DENND1B: variants seen among roughly 807,000 people sequenced by gnomAD.
DENND1B encodes DENN domain-containing protein 1B.
A neutral mutation model predicts 90.1 loss-of-function variants in DENND1B; 59 were observed. The ratio of observed to expected loss-of-function variants is 0.65; its 90% confidence interval spans 0.53 to 0.81. The LOEUF (loss-of-function observed/expected upper bound fraction) is 0.81. DENND1B is among the 40% of genes least tolerant of loss of function. DENND1B has a pLI of 0.00. For missense variants in DENND1B, 862 were observed against 912.6 expected (o/e 0.94, Z 0.71); for synonymous variants, 337 against 324.6 (o/e 1.04, Z -0.41).
chr1:197,776,636 G>T (rs989961825), upstream of DENND1B, among the ~76,000 whole-genome samples: 1 of 152,146 alleles, frequency 6.6e-6, no homozygotes, highest in Non-Finnish European at 1.5e-5. Context: ...AGACATAAAA[G>T]TCAGAAAAGG....
rs149817100 is a variant in DENND1B at position 197,771,164 on chromosome 1, G to A, written c.82+1704C>T. The stretch of plus-strand genomic sequence containing the variant: ...TGGCCTCAGATGATCTGTCCACCTC[G>A]GCCTCCAAAAGTGCTGGGATTATAG... On this transcript the variant is annotated intron_variant, in intron 2 of 22. Transcript: ENST00000620048. Among the ~76,000 whole-genome samples the A allele has an allele frequency of 3.8e-3, 572 of 151,986 alleles. 6 individuals are homozygous for A. Among genetic ancestry groups the A allele is most frequent in the African/African-American group, 0.013 (542 of 41,460 alleles).
intron 2 of DENND1B, among the ~76,000 whole-genome samples, chr1:197,744,478 G>A (rs1038493318): frequency 6.6e-6 from 1 of 152,154 alleles, no homozygotes; most frequent in Non-Finnish European, 1.5e-5. Context: ...CATTGTCAAT[G>A]AGCAACAATA....
At chr1:197,615,634 T>C (rs1397862790) in intron 11 of DENND1B, among the ~76,000 whole-genome samples, 1 of 150,926 alleles carries the variant, frequency 6.6e-6, no homozygotes, top group Admixed American at 6.6e-5. Flanking sequence ...ACCTCAAGGA[T>C]GGAAATGGAA....
intron 7 of DENND1B, among the ~76,000 whole-genome samples, chr1:197,647,605 A>G (rs920007650): frequency 2.0e-5 from 3 of 152,228 alleles, no homozygotes; most frequent in Admixed American, 1.3e-4. Flanking sequence ...AAATGCAATT[A>G]ATAATTCATA....
At chr1:197,671,981 C>T in intron 5 of DENND1B, 56 bp downstream of exon 5, 2 of 1,561,944 alleles carry the variant, frequency 1.3e-6, no homozygotes, top group Non-Finnish European at 1.7e-6. Context: ...TAACAAAGTA[C>T]AATAGAGAGA....
At chr1:197,655,738 G>A (rs377086272) in intron 6 of DENND1B, among the ~76,000 whole-genome samples, 1 of 151,786 alleles carries the variant, frequency 6.6e-6, no homozygotes, top group South Asian at 2.1e-4. Flanking sequence ...TTCACTGTGT[G>A]AGCCAGGATG....
Position 197,511,111 on chromosome 1 carries a change from T to C in DENND1B, c.1816-139A>G, listed in dbSNP as rs912672008. 10 of 934,424 alleles carry C rather than the reference T, an allele frequency of 1.1e-5. No individual in the cohort carries two copies. The African/African-American group carries it at 1.7e-4, about 16-fold the overall frequency. 57.9% of individuals were successfully genotyped at this position (934,424 alleles called of 1,614,324 possible). A position where few individuals can be genotyped will look rare whatever the true frequency, so the allele number is the denominator to read the frequency against. ...CAGCATTGAGAGTCAATTTTAAACA[T>C]TTCCAAATGGCTCTATTAACAGGGA... is the stretch of plus-strand genomic sequence containing the variant. On this transcript the variant is annotated intron_variant, in intron 22 of 22. Coordinates refer to ENST00000620048, the MANE Select transcript of DENND1B (RefSeq NM_001195215.2).
chr1:197,583,032 A>C, intron 15 of DENND1B, 120 bp downstream of exon 15: 1 of 871,836 alleles, frequency 1.1e-6, no homozygotes, highest in South Asian at 1.8e-5. Flanking sequence ...AATAAACAAA[A>C]ATTTCCTGAC....
At chr1:197,521,109 A>C (rs1277254607) in intron 20 of DENND1B, among the ~76,000 whole-genome samples, 1 of 152,018 alleles carries the variant, frequency 6.6e-6, no homozygotes, top group East Asian at 1.9e-4. Context: ...AATGTAAGAA[A>C]ATGTACACAA....
chr1:197,515,988 TGA>T, intron 20 of DENND1B, among the ~76,000 whole-genome samples: 1 of 151,834 alleles, frequency 6.6e-6, no homozygotes, highest in East Asian at 1.9e-4. Flanking sequence ...ACTTTTTTTA[TGA>T]AGCTACTGCT....
At chr1:197,638,722 G>A (rs1189489131) in intron 10 of DENND1B, among the ~76,000 whole-genome samples, 1 of 152,110 alleles carries the variant, frequency 6.6e-6, no homozygotes, top group African/African-American at 2.4e-5. Flanking sequence ...ATGATGTTCT[G>A]CTAGTCTACC....
At position 197,507,631 on chromosome 1, in the gene DENND1B, T is replaced by C. The variant is rs943053422; in HGVS notation, c.*2829A>G. 1 of 151,662 alleles carries C rather than the reference T, an allele frequency of 6.6e-6. No homozygotes were observed. Among genetic ancestry groups the C allele is most frequent in the African/African-American group, 2.4e-5 (1 of 41,394 alleles). 9.4% of individuals were successfully genotyped at this position (151,662 alleles called of 1,614,324 possible). A position where few individuals can be genotyped will look rare whatever the true frequency, so the allele number is the denominator to read the frequency against. On this transcript the variant is annotated 3_prime_UTR_variant, in exon 23 of 23. Coordinates refer to ENST00000620048, the MANE Select transcript of DENND1B (RefSeq NM_001195215.2). ...GTCTTTTTAGTTTATACAATTCTGTTGTATAACAGGTGTTGCTTCTTTGAA... is the reference window on the plus strand; with the variant it reads ...GTCTTTTTAGTTTATACAATTCTGTCGTATAACAGGTGTTGCTTCTTTGAA...
Position 197,775,142 on chromosome 1 carries a change from G to A in DENND1B, c.14C>T (p.Thr5Ile). Reference protein sequence around the residue: MDCRTKANPDRTFDL... With the variant: MDCRIKANPDRTFDL... ...GCGCCCGGGCCCCCCCACTCACTTG[G>A]TCCTGCAGTCCATGGTTACATGTCG... The change falls in exon 1 of 23, where the codon ACC becomes ATC. Residue 5 changes from threonine to isoleucine, a missense_variant. Transcript: ENST00000620048. 4.6e-6 allele frequency: 6 copies of A among 1,308,866 alleles called. No homozygotes were observed. Among genetic ancestry groups the A allele is most frequent in the Non-Finnish European group, 4.9e-6 (5 of 1,019,548 alleles). The allele number at this position is 1,308,866 out of a possible 1,614,324, so 81.1% of individuals were successfully genotyped here. A position where few individuals can be genotyped will look rare whatever the true frequency, so the allele number is the denominator to read the frequency against.
chr1:197,564,200 A>G (rs1226619965), intron 15 of DENND1B, among the ~76,000 whole-genome samples: 2 of 151,886 alleles, frequency 1.3e-5, no homozygotes, highest in Non-Finnish European at 2.9e-5. Flanking sequence ...ATTTTGAAAG[A>G]AGTTCTACTG....
chr1:197,692,984 T>C (rs1026443814), intron 3 of DENND1B, among the ~76,000 whole-genome samples: 9 of 151,716 alleles, frequency 5.9e-5, no homozygotes, highest in African/African-American at 2.2e-4. Context: ...AAAAACATCA[T>C]CTTCCCTCAA....
At chr1:197,648,230 G>A (rs1185447156) in intron 7 of DENND1B, among the ~76,000 whole-genome samples, 1 of 151,930 alleles carries the variant, frequency 6.6e-6, no homozygotes, top group Non-Finnish European at 1.5e-5. Context: ...CATTTTATTT[G>A]ATTACCAAAA....
chr1:197,639,068 A>AT (rs1680047317), intron 10 of DENND1B, among the ~76,000 whole-genome samples: 1 of 144,800 alleles, frequency 6.9e-6, no homozygotes, highest in Non-Finnish European at 1.6e-5. Context: ...TTTAAAGGTT[A>AT]ATTTTTTTTT....
At chr1:197,690,233 T>C in intron 3 of DENND1B, 9 of 282,184 alleles carry the variant, frequency 3.2e-5, no homozygotes, top group Non-Finnish European at 7.1e-6. Flanking sequence ...ATGGCAATGT[T>C]GCTGGTGACA....
At chr1:197,674,019 A>G (rs1019923953) in intron 4 of DENND1B, 101 bp downstream of exon 4, 3 of 848,780 alleles carry the variant, frequency 3.5e-6, no homozygotes, top group Non-Finnish European at 5.5e-6. Context: ...GAGAAGCAAT[A>G]AAGAGAAGGG....
Sources: gnomAD v4.1 joint callset for allele counts (sites outside exome capture counted in the v4.1 genomes callset) on GRCh38, gnomAD v4.1.1 for gene constraint, MANE v1.5 for transcripts, NCBI Gene and HGNC (gene_info 2026-07-23, HGNC 2026-07-21) for gene names.